Variants in LINGO2 observed in about 807,000 individuals in gnomAD.
LINGO2 encodes leucine-rich repeat and immunoglobulin-like domain-containing nogo receptor-interacting protein 2.
In LINGO2, 14 loss-of-function variants were observed where a neutral mutation model predicts 30.6. The observed-to-expected ratio is 0.46, with a 90% CI of 0.30 to 0.72. The LOEUF is 0.72. Ranked by LOEUF, LINGO2 falls within the 30% of genes least tolerant of loss-of-function variation. The pLI, the probability that LINGO2 is intolerant of heterozygous loss-of-function variation, is 0.07. For synonymous variants in LINGO2, 317 were observed against 288.5 expected (o/e 1.10, Z -1.00); for missense variants, 729 against 751.7 (o/e 0.97, Z 0.35).
intron 3 of LINGO2, among the ~76,000 whole-genome samples, chr9:28,342,352 T>C (rs947862520): frequency 5.9e-5 from 9 of 152,084 alleles, no homozygotes; most frequent in African/African-American, 2.2e-4. Context: ...AGAAAAGAAA[T>C]AGTCCAACAA....
chr9:28,697,253 T>C, the LINGO2 span, among the ~76,000 whole-genome samples: 3 of 151,962 alleles, frequency 2.0e-5, no homozygotes, highest in South Asian at 4.1e-4. Flanking sequence ...CTCTTCTTCC[T>C]AGTGTTCTGT....
the LINGO2 span, among the ~76,000 whole-genome samples, chr9:29,188,216 G>A: frequency 1.1e-4 from 16 of 151,518 alleles, no homozygotes; most frequent in African/African-American, 2.9e-4. Flanking sequence ...GAGTGGTGAT[G>A]ACTCTTAACG....
the LINGO2 span, among the ~76,000 whole-genome samples, chr9:29,070,310 A>T: frequency 1.3e-3 from 198 of 152,120 alleles, 5 homozygotes; most frequent in Non-Finnish European, 5.4e-4. Flanking sequence ...TCATCAGGGA[A>T]CAATATCATG....
chr9:28,126,422 A>G (rs1827237793), intron 4 of LINGO2, among the ~76,000 whole-genome samples: 1 of 152,224 alleles, frequency 6.6e-6, no homozygotes, highest in East Asian at 1.9e-4. Flanking sequence ...TTCATTAGAT[A>G]ACAAAGAGTT....
At chr9:28,309,759 C>T (rs2134248208) in intron 3 of LINGO2, among the ~76,000 whole-genome samples, 1 of 151,586 alleles carries the variant, frequency 6.6e-6, no homozygotes, top group East Asian at 1.9e-4. Flanking sequence ...AAAATATATG[C>T]AAGTTACATA....
chr9:28,277,113 T>A (rs1413989018), intron 4 of LINGO2, among the ~76,000 whole-genome samples: 1 of 152,248 alleles, frequency 6.6e-6, no homozygotes, highest in Non-Finnish European at 1.5e-5. Flanking sequence ...AGGTTAGTGG[T>A]AACCCTGTAT....
At chr9:29,201,162 A>C in the LINGO2 span, among the ~76,000 whole-genome samples, 1 of 152,082 alleles carries the variant, frequency 6.6e-6, no homozygotes, top group Non-Finnish European at 1.5e-5. Flanking sequence ...AGAGTGGAGA[A>C]TTATACTCCA....
the LINGO2 span, among the ~76,000 whole-genome samples, chr9:29,119,020 G>A: frequency 8.9e-4 from 135 of 152,228 alleles, no homozygotes; most frequent in African/African-American, 3.2e-3. Context: ...ATATGTCATT[G>A]TCCCTGATAA....
intron 4 of LINGO2, among the ~76,000 whole-genome samples, chr9:28,241,113 A>G (rs922253356): frequency 5.9e-5 from 9 of 151,886 alleles, no homozygotes; most frequent in African/African-American, 1.9e-4. Flanking sequence ...TACTAAAAAT[A>G]CAAACATTAG....
chr9:28,589,363 C>T (rs1189838529), intron 1 of LINGO2, among the ~76,000 whole-genome samples: 1 of 152,122 alleles, frequency 6.6e-6, no homozygotes, highest in South Asian at 2.1e-4. Flanking sequence ...GTCAAGTTGT[C>T]TCTGTTTGCA....
chr9:28,638,769 A>G (rs1425206763), intron 1 of LINGO2, among the ~76,000 whole-genome samples: 1 of 152,130 alleles, frequency 6.6e-6, no homozygotes, highest in East Asian at 1.9e-4. Context: ...TCAAAAAACC[A>G]GCTCCTGGAT....
chr9:29,099,109 T>G, the LINGO2 span, among the ~76,000 whole-genome samples: 32 of 152,292 alleles, frequency 2.1e-4, no homozygotes, highest in African/African-American at 7.2e-4. Flanking sequence ...TAGACAAAGA[T>G]TCCAATTACA....
chr9:28,635,552 G>A (rs1435811054), intron 1 of LINGO2, among the ~76,000 whole-genome samples: 2 of 151,968 alleles, frequency 1.3e-5, no homozygotes, highest in African/African-American at 4.8e-5. Flanking sequence ...AGGAAGAGAT[G>A]GGGGAATCAG....
chr9:28,987,012 C>A, the LINGO2 span, among the ~76,000 whole-genome samples: 1 of 146,158 alleles, frequency 6.8e-6, no homozygotes, highest in Admixed American at 6.8e-5. Context: ...AAAAATGATA[C>A]TTCTGTGTGT....
At chr9:28,224,949 C>T (rs548796897) in intron 4 of LINGO2, among the ~76,000 whole-genome samples, 7 of 151,954 alleles carry the variant, frequency 4.6e-5, no homozygotes, top group Admixed American at 4.6e-4. Context: ...AATAGAGAAC[C>T]CAGAAATAAA....
intron 4 of LINGO2, among the ~76,000 whole-genome samples, chr9:28,180,267 A>G (rs1475958779): frequency 1.3e-5 from 2 of 152,128 alleles, no homozygotes; most frequent in African/African-American, 4.8e-5. Context: ...GGCCAGGGGT[A>G]TCTTCAAGCG....
intron 4 of LINGO2, among the ~76,000 whole-genome samples, chr9:28,273,476 G>A (rs1444373761): frequency 6.6e-6 from 1 of 152,192 alleles, no homozygotes; most frequent in African/African-American, 2.4e-5. Flanking sequence ...TAACCAAATA[G>A]TAGTGAGCAT....
At chr9:29,029,566 T>C in the LINGO2 span, among the ~76,000 whole-genome samples, 1 of 152,160 alleles carries the variant, frequency 6.6e-6, no homozygotes, top group Admixed American at 6.6e-5. Context: ...TGAATACTTC[T>C]TGTTTGATAG....
chr9:27,981,393 A>T (rs977181950), intron 5 of LINGO2, among the ~76,000 whole-genome samples: 7 of 151,410 alleles, frequency 4.6e-5, no homozygotes, highest in African/African-American at 1.7e-4. Flanking sequence ...CATGAGCTCA[A>T]ATAGATCTAG....
Sources: gnomAD v4.1 joint callset for allele counts (sites outside exome capture counted in the v4.1 genomes callset) on GRCh38, gnomAD v4.1.1 for gene constraint, MANE v1.5 for transcripts, NCBI Gene and HGNC (gene_info 2026-07-23, HGNC 2026-07-21) for gene names.